CAPN2: variants seen among roughly 807,000 people sequenced by gnomAD.
CAPN2 encodes calpain-2 catalytic subunit.
CAPN2 carries 92 observed loss-of-function variants against 102.3 expected under a neutral mutation model. That is an observed-to-expected ratio of 0.90 (90% CI 0.76 to 1.07). CAPN2 has a LOEUF of 1.07. Among genes scored for constraint, CAPN2 ranks in the 50% least tolerant of loss-of-function variants. The pLI is 0.00. For missense variants in CAPN2, 800 were observed against 909.4 expected, an observed-to-expected ratio of 0.88 and a Z score of 1.55; for synonymous variants, 340 against 355.4, an observed-to-expected ratio of 0.96 and a Z score of 0.49.
In CAPN2 at chr1:223,727,458, G is replaced by A. The variant is rs145847179; in HGVS notation, c.307+9627G>A. Among the ~76,000 whole-genome samples the A allele has an allele frequency of 1.1e-3, 172 of 152,254 alleles. No homozygotes were observed. Among genetic ancestry groups the A allele is most frequent in the African/African-American group, 3.8e-3 (157 of 41,542 alleles). ...CCCTGGGGGCTTGGCGGAGTTGGGG[G>A]GTGCATGGAATGCCCCCAGTTGAGA... On this transcript the variant is annotated intron_variant, in intron 2 of 20. Transcript: ENST00000295006. This position sits in a 1 kb window ranked among gnomAD's most constrained non-coding sequence, Gnocchi z 4.1.
rs114998883 is a variant in CAPN2, at chr1:223,713,474, G to A, written c.237+597G>A. Among the ~76,000 whole-genome samples, 989 of 148,398 alleles carry A rather than the reference G, an allele frequency of 6.7e-3. 11 individuals are homozygous for A. The highest frequency in any genetic ancestry group is 0.024 in the African/African-American group (919 of 38,950). On this transcript the variant is annotated intron_variant, in intron 1 of 20. Coordinates refer to ENST00000295006, the MANE Select transcript of CAPN2 (RefSeq NM_001748.5). The stretch of plus-strand genomic sequence containing the variant: ...AACCCAGGACACGGAGGTGTCTCAT[G>A]GTTTCCCTGGCGGGAATCACCCGGG...
At chr1:223,706,722 T>C (rs953729968) in intron 1 of CAPN2, among the ~76,000 whole-genome samples, 9 of 152,294 alleles carry the variant, frequency 5.9e-5, no homozygotes, top group Middle Eastern at 3.4e-3. Flanking sequence ...TGCACAAATA[T>C]GTCAAATAAA....
At chr1:223,751,092 C>T (rs911243089) in intron 7 of CAPN2, 117 bp downstream of exon 7, 3 of 942,882 alleles carry the variant, frequency 3.2e-6, no homozygotes, top group South Asian at 1.4e-5. Flanking sequence ...GCCAGGAGAG[C>T]CCAGGCCACG....
chr1:223,718,940 G>A (rs1052557731), intron 2 of CAPN2, among the ~76,000 whole-genome samples: 2 of 152,256 alleles, frequency 1.3e-5, no homozygotes, highest in African/African-American at 2.4e-5. Context: ...CCTAAGACGG[G>A]ACCTGGAAAA....
At chr1:223,720,315 C>CTTTTTTT (rs35138708) in intron 2 of CAPN2, among the ~76,000 whole-genome samples, 6,713 of 107,286 alleles carry the variant, frequency 0.063, 509 homozygotes, top group African/African-American at 0.13. Context: ...CTCTTTCTCT[C>CTTTTTTT]TTTTTTTTTT....
At position 223,762,095 on chromosome 1, in the gene CAPN2, G is replaced by A. The variant is rs1005405981; in HGVS notation, c.1567-91G>A. ...GGCCCCAGGGAGGGGTAGAGAAGGG[G>A]AGTGGGAGGTGGCTGCCATGGAAGG... On this transcript the variant is annotated intron_variant, in intron 13 of 20. Coordinates refer to ENST00000295006, the MANE Select transcript of CAPN2 (RefSeq NM_001748.5). 22 of 1,043,820 alleles carry A rather than the reference G, an allele frequency of 2.1e-5. No individual in the cohort carries two copies. The Admixed American group carries it at 3.7e-4, about 18-fold the overall frequency. 64.7% of individuals were successfully genotyped at this position (1,043,820 alleles called of 1,614,324 possible).
intron 2 of CAPN2, among the ~76,000 whole-genome samples, chr1:223,737,705 G>GGT (rs1448412744): frequency 1.7e-4 from 4 of 24,152 alleles, no homozygotes; most frequent in Admixed American, 3.2e-4. Context: ...AAAGAGACGG[G>GGT]GCGGGGGGTG....
chr1:223,742,960 T>C (rs28370046), intron 2 of CAPN2, among the ~76,000 whole-genome samples: 8,348 of 152,300 alleles, frequency 0.055, 288 homozygotes, highest in Middle Eastern at 0.092. Flanking sequence ...GTAAACTTCC[T>C]CATCCTCTTC....
intron 2 of CAPN2, among the ~76,000 whole-genome samples, chr1:223,718,069 A>G (rs920460618): frequency 1.4e-4 from 21 of 152,238 alleles, no homozygotes; most frequent in Non-Finnish European, 1.3e-4. Flanking sequence ...CTGAGGTTAC[A>G]GAGATGCTGC....
intron 7 of CAPN2, 57 bp from the exon 8 acceptor site, chr1:223,751,940 G>A: frequency 5.9e-6 from 7 of 1,177,282 alleles, no homozygotes; most frequent in East Asian, 4.7e-5. Flanking sequence ...TCAACTCTGG[G>A]GCCTTTGGGG....
chr1:223,708,700 G>A (rs1452121670), upstream of CAPN2, among the ~76,000 whole-genome samples: 2 of 151,986 alleles, frequency 1.3e-5, no homozygotes, highest in African/African-American at 2.4e-5. Context: ...GCACCCGGGA[G>A]GCGAAGGTTG....
rs753448846 is a variant in CAPN2, at chr1:223,726,020, G to A, written c.307+8189G>A. ...TCCGTCTCTCGGGAGACCAGGATCC[G>A]AGTGAGAAAGTTTCCCACGTTCATT... On this transcript the variant is annotated intron_variant, in intron 2 of 20. Transcript: ENST00000295006. The surrounding 1 kb of genome is among the most constrained non-coding windows in gnomAD (Gnocchi z 4.4). Among the ~76,000 whole-genome samples, 6 of 152,274 alleles carry A rather than the reference G, an allele frequency of 3.9e-5. No individual in the cohort carries two copies. Among genetic ancestry groups the A allele is most frequent in the South Asian group, 2.1e-4 (1 of 4,826 alleles).
Position 223,747,044 on chromosome 1 carries a change from G to A in CAPN2, c.608G>A (p.Gly203Asp). 6.2e-7 allele frequency: 1 copy of A among 1,614,084 alleles called. No homozygotes were observed. The highest frequency in any genetic ancestry group is 8.5e-7 in the Non-Finnish European group (1 of 1,179,960). ...EALSGGATTE[G>D]FEDFTGGIAE... Reference sequence around the variant, plus strand: ...CTATCAGGGGGTGCCACCACTGAGGGCTTCGAAGACTTCACCGGAGGCATT... The same window carrying A: ...CTATCAGGGGGTGCCACCACTGAGGACTTCGAAGACTTCACCGGAGGCATT... The change falls in exon 5 of 21, where the codon GGC (glycine) becomes GAC (aspartate). Residue 203 changes from glycine to aspartate, a missense_variant. Physicochemically the swap from Gly to Asp is moderately conservative, Grantham distance 94. Coordinates refer to ENST00000295006, the MANE Select transcript of CAPN2 (RefSeq NM_001748.5).
chr1:223,753,817 T>G (rs935613616), intron 9 of CAPN2, among the ~76,000 whole-genome samples: 1 of 152,232 alleles, frequency 6.6e-6, no homozygotes, highest in Non-Finnish European at 1.5e-5. Flanking sequence ...TGTGTATAAA[T>G]TATATATGAA....
At chr1:223,710,314 A>AACAAC (rs1475956149), upstream of CAPN2, among the ~76,000 whole-genome samples, 3 of 152,036 alleles carry the variant, frequency 2.0e-5, no homozygotes, top group African/African-American at 7.2e-5. Context: ...ACAACAACAA[A>AACAAC]AACAATGAAA....
At position 223,759,264 on chromosome 1, in the gene CAPN2, C is replaced by T. The variant is rs781519060; in HGVS notation, c.1318-6C>T. The T allele has an allele frequency of 5.6e-6, 9 of 1,612,920 alleles. No homozygotes were observed. On this transcript the variant is annotated splice_region_variant and splice_polypyrimidine_tract_variant and intron_variant, in intron 11 of 20. Transcript: ENST00000295006. This position sits in a 1 kb window ranked among gnomAD's most constrained non-coding sequence, Gnocchi z 4.6. Reference sequence around the variant, plus strand: ...CTACCCCCATGTTTCTCTATTTATTCCTCAGTTAAGTGGGCAGACCAACAT... The same window carrying T: ...CTACCCCCATGTTTCTCTATTTATTTCTCAGTTAAGTGGGCAGACCAACAT...
At chr1:223,771,001 T>G (rs1661457257) in intron 18 of CAPN2, 1 of 155,344 alleles carries the variant, frequency 6.4e-6, no homozygotes, top group African/African-American at 2.4e-5. Context: ...TGGAATATAA[T>G]GCTGCTGCAG....
At chr1:223,770,688 T>C in intron 18 of CAPN2, 163 bp downstream of exon 18, 2 of 524,872 alleles carry the variant, frequency 3.8e-6, no homozygotes, top group Non-Finnish European at 6.8e-6. Flanking sequence ...CAAAGACTAA[T>C]TGGTAAAATT....
chr1:223,708,220 A>C (rs554428886), upstream of CAPN2, among the ~76,000 whole-genome samples: 1 of 152,298 alleles, frequency 6.6e-6, no homozygotes, highest in Admixed American at 6.5e-5. Flanking sequence ...AGAGTAAAGA[A>C]AGCAAAGCCT....
Sources: gnomAD v4.1 joint callset for allele counts (sites outside exome capture counted in the v4.1 genomes callset) on GRCh38, gnomAD v4.1.1 for gene constraint, Gnocchi (gnomAD v3.1) non-coding constraint, MANE v1.5 for transcripts, NCBI Gene and HGNC (gene_info 2026-07-23, HGNC 2026-07-21) for gene names.